CTSB: variants seen among roughly 807,000 people sequenced by gnomAD.
CTSB encodes APP secretase.
Under a neutral mutation model 44.3 loss-of-function variants are expected in CTSB, and 57 were observed. The observed-to-expected ratio is 1.29, with a 90% confidence interval of 1.04 to 1.60. The LOEUF (loss-of-function observed/expected upper bound fraction) is 1.60, where lower values mean the gene tolerates loss of function less well. CTSB is among the 40% of genes most tolerant of loss of function. The pLI is 0.00. For synonymous variants in CTSB, 320 were observed against 168.0 expected (o/e 1.91, Z -7.00); for missense variants, 768 against 443.0 (o/e 1.73, Z -6.59).
rs777168036 is a variant in CTSB, at chr8:11,847,675, T to C, written c.676+4A>G. ...GCGCCGTGGCCAGGCCCCAGGCCCC[T>C]TACCGTAGTGCTTGTCCTGTTTGTA... On this transcript the variant is annotated splice_donor_region_variant and intron_variant, in intron 7 of 9. Transcript: ENST00000353047. 1.1e-5 allele frequency: 17 copies of C among 1,539,486 alleles called. No individual in the cohort carries two copies. Among genetic ancestry groups the C allele is most frequent in the Non-Finnish European group, 1.4e-5 (16 of 1,146,404 alleles).
chr8:11,857,523 G>C (rs982959061), intron 1 of CTSB, among the ~76,000 whole-genome samples: 2 of 152,150 alleles, frequency 1.3e-5, no homozygotes, highest in African/African-American at 2.4e-5. Context: ...TCGAGGATGG[G>C]AGCGTTTCCA....
intron 3 of CTSB, among the ~76,000 whole-genome samples, chr8:11,851,277 C>T (rs1814556535): frequency 1.3e-5 from 2 of 152,158 alleles, no homozygotes; most frequent in South Asian, 4.1e-4. Context: ...GCAACCTCTG[C>T]CTCCTGAGTT....
Position 11,853,355 on chromosome 8 carries a change from C to T in CTSB, c.100G>A (p.Val34Ile), listed in dbSNP as rs1814945106. The change falls in exon 2 of 10, where the codon GTC (valine) becomes ATC (isoleucine). Residue 34 changes from valine to isoleucine, a missense_variant. Physicochemically the swap from Val to Ile is conservative, Grantham distance 29 (BLOSUM62 3). Coordinates refer to ENST00000353047, the MANE Select transcript of CTSB (RefSeq NM_001908.5). ...HPLSDELVNYVNKRNTTWQAG... is the reference protein window; with the variant it reads ...HPLSDELVNYINKRNTTWQAG... Reference sequence around the variant, plus strand: ...TGCCACGTGGTATTCCGTTTGTTGACATAGTTGACCAGCTCATCCGACAGG... The same window carrying T: ...TGCCACGTGGTATTCCGTTTGTTGATATAGTTGACCAGCTCATCCGACAGG... The T allele has an allele frequency of 1.2e-6, 2 of 1,613,272 alleles. No homozygotes were observed. Among genetic ancestry groups the T allele is most frequent in the Non-Finnish European group, 1.7e-6 (2 of 1,179,924 alleles).
intron 9 of CTSB, among the ~76,000 whole-genome samples, 162 bp downstream of exon 9, chr8:11,845,499 C>T (rs2272763): frequency 6.6e-6 from 1 of 152,224 alleles, no homozygotes; most frequent in East Asian, 1.9e-4. Flanking sequence ...GCCCTCACAG[C>T]AAAAGGGAAC....
rs921447379 is a variant in CTSB at position 11,868,026 on chromosome 8, G to C, written c.-51C>G. ...CCAGCGCTGCAGCCGAGAGCCTGCA[G>C]CCCAGCCTGCGCGCAGCGGAGCGGT... is the stretch of plus-strand genomic sequence containing the variant. On this transcript the variant is annotated 5_prime_UTR_variant, in exon 1 of 10. Coordinates refer to ENST00000353047, the MANE Select transcript of CTSB (RefSeq NM_001908.5). 3 of 152,626 alleles carry C rather than the reference G, an allele frequency of 2.0e-5. No homozygotes were observed. Among genetic ancestry groups the C allele is most frequent in the African/African-American group, 7.2e-5 (3 of 41,440 alleles). 9.5% of individuals were successfully genotyped at this position (152,626 alleles called of 1,614,324 possible).
chr8:11,856,920 C>A (rs1223280640), intron 1 of CTSB, among the ~76,000 whole-genome samples: 5 of 151,922 alleles, frequency 3.3e-5, no homozygotes, highest in Admixed American at 1.3e-4. Flanking sequence ...AAATAGTTGG[C>A]AGTATTACTA....
chr8:11,847,550 C>G, intron 7 of CTSB, 129 bp downstream of exon 7: 2 of 1,022,310 alleles, frequency 2.0e-6, no homozygotes, highest in South Asian at 1.8e-5. Flanking sequence ...GGCATCACTC[C>G]CCCTCCTCTA....
rs1813269614 is a variant in CTSB at position 11,846,074 on chromosome 8, A to ATC, written c.794-286_794-285insGA. 3 of 249,636 alleles carry ATC rather than the reference A, an allele frequency of 1.2e-5. No homozygotes were observed. In the Admixed American group the frequency reaches 1.7e-4, roughly 14 times the overall value. The allele number at this position is 249,636 out of a possible 1,614,324, so 15.5% of individuals were successfully genotyped here. A position where few individuals can be genotyped will look rare whatever the true frequency, so the allele number is the denominator to read the frequency against. On this transcript the variant is annotated intron_variant, in intron 8 of 9. Transcript: ENST00000353047. ...ATTTCTAATACATTCTAATTGATAA[A>ATC]ACATTTAATGCTAGATGACTGATTC...
intron 1 of CTSB, among the ~76,000 whole-genome samples, chr8:11,856,915 G>A (rs567902202): frequency 6.6e-6 from 1 of 152,002 alleles, no homozygotes; most frequent in African/African-American, 2.4e-5. Flanking sequence ...AGGAAAAATA[G>A]TTGGCAGTAT....
Position 11,853,344 on chromosome 8 carries a change from C to T in CTSB, c.111G>A (p.Arg37=). The T allele has an allele frequency of 1.9e-6, 3 of 1,613,280 alleles. No homozygotes were observed. Among genetic ancestry groups the T allele is most frequent in the Non-Finnish European group, 1.7e-6 (2 of 1,179,880 alleles). The part of the protein sequence containing the change: ...SDELVNYVNK[R]NTTWQAGHNF... ...CACAGCCTACCTGCCACGTGGTATT[C>T]CGTTTGTTGACATAGTTGACCAGCT... The change falls in exon 2 of 10, where the codon CGG becomes CGA. Residue 37 remains arginine (R), a synonymous_variant. Coordinates refer to ENST00000353047, the MANE Select transcript of CTSB (RefSeq NM_001908.5).
rs1812846906 is a variant in CTSB, at chr8:11,844,422, T to C, written c.*703A>G. 3 of 152,222 alleles carry C rather than the reference T, an allele frequency of 2.0e-5. No individual in the cohort carries two copies. The highest frequency in any genetic ancestry group is 1.5e-5 in the Non-Finnish European group (1 of 68,048). The allele number at this position is 152,222 out of a possible 1,614,324, so 9.4% of individuals were successfully genotyped here. A position where few individuals can be genotyped will look rare whatever the true frequency, so the allele number is the denominator to read the frequency against. Reference sequence around the variant, plus strand: ...GTAAAAGCTGGTTTCTCCTAAACTATTTTCCTTGTGGTAGTAGAGATCAGT... The same window carrying C: ...GTAAAAGCTGGTTTCTCCTAAACTACTTTCCTTGTGGTAGTAGAGATCAGT... On this transcript the variant is annotated 3_prime_UTR_variant, in exon 10 of 10. Transcript: ENST00000353047.
In CTSB at chr8:11,843,645, C is replaced by T. The variant is rs1051036051; in HGVS notation, c.*1480G>A. The T allele has an allele frequency of 4.6e-5, 7 of 152,204 alleles. No homozygotes were observed. The highest frequency in any genetic ancestry group is 4.8e-5 in the African/African-American group (2 of 41,448). 9.4% of individuals were successfully genotyped at this position (152,204 alleles called of 1,614,324 possible). ...AGGGCATCCAGGGGGATGTGGTTCC[C>T]CACGGGGTAGCATCTTGGTTATGTG... On this transcript the variant is annotated 3_prime_UTR_variant, in exon 10 of 10. Coordinates refer to ENST00000353047, the MANE Select transcript of CTSB (RefSeq NM_001908.5).
chr8:11,847,874 A>C (rs74485342), intron 6 of CTSB, 52 bp from the exon 7 acceptor site: 16 of 1,403,130 alleles, frequency 1.1e-5, no homozygotes, highest in African/African-American at 5.2e-5. Context: ...CACGGAGAAG[A>C]CCTGGGGCAA....
At chr8:11,853,069 A>G (rs1039510172) in intron 2 of CTSB, among the ~76,000 whole-genome samples, 7 of 151,962 alleles carry the variant, frequency 4.6e-5, no homozygotes, top group African/African-American at 4.8e-5. Context: ...TCCGAAGCTC[A>G]CTTACTCCCC....
chr8:11,850,773 G>A lies in CTSB; in HGVS notation c.327+93C>T, dbSNP rs191692854. 26 of 796,296 alleles carry A rather than the reference G, an allele frequency of 3.3e-5. No homozygotes were observed. The East Asian group carries it at 6.6e-4, about 20-fold the overall frequency. 49.3% of individuals were successfully genotyped at this position (796,296 alleles called of 1,614,324 possible). The stretch of plus-strand genomic sequence containing the variant: ...TCAGAAAGTTTCTATAACTTGCCTT[G>A]TCAGAGTTGTCCCCACCCCGAATCC... On this transcript the variant is annotated intron_variant, in intron 4 of 9. Coordinates refer to ENST00000353047, the MANE Select transcript of CTSB (RefSeq NM_001908.5).
Position 11,848,102 on chromosome 8 carries a change from C to T in CTSB, c.497G>A (p.Gly166Asp), listed in dbSNP as rs772090473. Residue 166 changes from glycine (G) to aspartate (D), a missense_variant, in exon 6 of 10, where the codon GGC becomes GAC. By Grantham distance (94) the Gly-to-Asp change is moderately conservative. Coordinates refer to ENST00000353047, the MANE Select transcript of CTSB (RefSeq NM_001908.5). Reference protein sequence around the residue: ...AEAWNFWTRKGLVSGGLYESH... With the variant: ...AEAWNFWTRKDLVSGGLYESH... ...TTCATAGAGGCCACCAGAAACCAGG[C>T]CTTTTCTTGTCCAGAAGTTCCAAGC... 3.1e-6 allele frequency: 5 copies of T among 1,613,994 alleles called. No individual in the cohort carries two copies. The highest frequency in any genetic ancestry group is 4.2e-6 in the Non-Finnish European group (5 of 1,179,970).
intron 4 of CTSB, chr8:11,850,140 G>A (rs1378805863): frequency 1.3e-5 from 2 of 152,186 alleles, no homozygotes; most frequent in African/African-American, 2.4e-5. Flanking sequence ...GAAAATAGTT[G>A]CTGGGCACGG....
intron 4 of CTSB, 197 bp downstream of exon 4, chr8:11,850,669 C>G: frequency 2.1e-6 from 1 of 471,794 alleles, no homozygotes; most frequent in South Asian, 2.9e-5. Flanking sequence ...GCTGGATGCT[C>G]TGCCCGCCAC....
intron 1 of CTSB, 112 bp downstream of exon 1, chr8:11,867,889 G>T (rs887462907): frequency 6.6e-6 from 1 of 151,988 alleles, no homozygotes; most frequent in Non-Finnish European, 1.5e-5. Context: ...GACGCCGCGG[G>T]GCCGCGCCTG....
Sources: allele counts gnomAD v4.1 joint callset (sites outside exome capture counted in the v4.1 genomes callset), GRCh38; gene constraint gnomAD v4.1.1; transcripts MANE v1.5; gene names NCBI Gene and HGNC (gene_info 2026-07-23, HGNC 2026-07-21).